Variants in CADM2 observed in about 807,000 individuals in gnomAD.
CADM2 encodes the protein immunoglobulin superfamily member 4D.
In CADM2, 12 loss-of-function variants were observed where a neutral mutation model predicts 49.8. The ratio of observed to expected loss-of-function variants is 0.24; its 90% CI spans 0.15 to 0.39. CADM2 has a LOEUF of 0.39. Among genes scored for constraint, CADM2 ranks in the 10% least tolerant of loss-of-function variants. The probability of loss-of-function intolerance (pLI) is 1.00; values close to 1 mark genes in which losing one functional copy is unlikely to be tolerated. For missense variants in CADM2, 378 were observed against 492.3 expected, an observed-to-expected ratio of 0.77 and a Z score of 2.20; for synonymous variants, 214 against 175.4, an observed-to-expected ratio of 1.22 and a Z score of -1.74.
chr3:85,701,769 C>T (rs1451545251), intron 1 of CADM2, among the ~76,000 whole-genome samples: 1 of 152,120 alleles, frequency 6.6e-6, no homozygotes, highest in African/African-American at 2.4e-5. Context: ...AAAAGATGCT[C>T]TCTACTTTCT....
Position 86,001,372 on chromosome 3 carries a change from G to A in CADM2, c.970+39725G>A, listed in dbSNP as rs559383629. Among the ~76,000 whole-genome samples, 4 of 152,224 alleles carry A rather than the reference G, an allele frequency of 2.6e-5. No individual in the cohort carries two copies. In the East Asian group the frequency reaches 5.8e-4, roughly 22 times the overall value. On this transcript the variant is annotated intron_variant, in intron 8 of 9. Transcript: ENST00000383699. ...GGTTCATGCCAGAAGAATATACAAA[G>A]AGCAGATAACATAGTCCTTAACTGA... is the stretch of plus-strand genomic sequence containing the variant.
chr3:86,061,544 CA>C lies in CADM2; in HGVS notation c.971-4057del, dbSNP rs1738650216. Among the ~76,000 whole-genome samples the C allele has an allele frequency of 2.0e-5, 3 of 152,180 alleles. No individual in the cohort carries two copies. The South Asian group carries it at 6.2e-4, about 32-fold the overall frequency. On this transcript the variant is annotated intron_variant, in intron 8 of 9. Transcript: ENST00000383699. ...TTTTAGAAGGATTAAGATATAATAACAAAAGGGTTAGATGACAATAAAGATT... is the reference window on the plus strand; with the variant it reads ...TTTTAGAAGGATTAAGATATAATAACAAAGGGTTAGATGACAATAAAGATT...
intron 1 of CADM2, among the ~76,000 whole-genome samples, chr3:85,215,824 A>G (rs2041912069): frequency 6.6e-6 from 1 of 152,024 alleles, no homozygotes; most frequent in Admixed American, 6.6e-5. Context: ...GTTCTGCCCA[A>G]TGTTGCTTTC....
At chr3:85,205,355 C>A (rs1292788710) in intron 1 of CADM2, among the ~76,000 whole-genome samples, 1 of 152,094 alleles carries the variant, frequency 6.6e-6, no homozygotes, top group Non-Finnish European at 1.5e-5. Context: ...GTTTGAAAAT[C>A]TGTTTAAATT....
chr3:85,165,435 C>T (rs371167496), intron 1 of CADM2, among the ~76,000 whole-genome samples: 16 of 151,936 alleles, frequency 1.1e-4, no homozygotes, highest in South Asian at 4.1e-4. Context: ...AAAAATTGCT[C>T]CTAATGTTAT....
At chr3:85,541,722 A>ATATATATTT (rs1559897464) in intron 1 of CADM2, among the ~76,000 whole-genome samples, 1 of 134,426 alleles carries the variant, frequency 7.4e-6, no homozygotes, top group Non-Finnish European at 1.5e-5. Context: ...TTTATATTAT[A>ATATATATTT]TATATATATT....
chr3:85,755,319 A>G (rs552089660), intron 2 of CADM2, among the ~76,000 whole-genome samples: 13 of 152,168 alleles, frequency 8.5e-5, no homozygotes, highest in Admixed American at 2.0e-4. Context: ...TTTTTATTAT[A>G]AAGAATACAA....
chr3:85,168,860 G>T (rs764039694), intron 1 of CADM2, among the ~76,000 whole-genome samples: 46 of 152,048 alleles, frequency 3.0e-4, no homozygotes, highest in Non-Finnish European at 4.6e-4. Context: ...TCTATTTTTT[G>T]GCATGAATCA....
chr3:85,240,711 A>G (rs529633973), intron 1 of CADM2, among the ~76,000 whole-genome samples: 2 of 151,690 alleles, frequency 1.3e-5, no homozygotes, highest in African/African-American at 2.4e-5. Flanking sequence ...ATTTGAAGCT[A>G]TTTCAAAATC....
At chr3:85,949,098 A>T (rs77619052) in intron 7 of CADM2, among the ~76,000 whole-genome samples, 2,768 of 151,188 alleles carry the variant, frequency 0.018, 78 homozygotes, top group African/African-American at 0.062. Context: ...GGACAAGAAA[A>T]CTCCTAGGAT....
At chr3:85,244,092 TTGA>T (rs1200449933) in intron 1 of CADM2, among the ~76,000 whole-genome samples, 3 of 152,124 alleles carry the variant, frequency 2.0e-5, no homozygotes, top group Admixed American at 2.0e-4. Flanking sequence ...GCCTTTTATG[TTGA>T]TAAGAAAAAA....
intron 3 of CADM2, among the ~76,000 whole-genome samples, chr3:85,848,081 T>C (rs1475769164): frequency 1.3e-5 from 2 of 152,178 alleles, no homozygotes; most frequent in African/African-American, 4.8e-5. Context: ...TAATGTTGAT[T>C]GTTTCTCTTA....
chr3:85,226,249 G>T (rs1343977939), intron 1 of CADM2, among the ~76,000 whole-genome samples: 14 of 122,274 alleles, frequency 1.1e-4, no homozygotes, highest in Non-Finnish European at 1.9e-4. Flanking sequence ...TCTGGTCCTG[G>T]ATTTTTTTTT....
intron 1 of CADM2, among the ~76,000 whole-genome samples, chr3:85,278,017 T>G (rs570019716): frequency 3.3e-5 from 5 of 150,150 alleles, no homozygotes; most frequent in Non-Finnish European, 7.5e-5. Context: ...GTTTCTCCCC[T>G]TTTTTTTTCT....
At chr3:85,243,502 T>C (rs928289011) in intron 1 of CADM2, among the ~76,000 whole-genome samples, 7 of 152,046 alleles carry the variant, frequency 4.6e-5, no homozygotes, top group Non-Finnish European at 1.0e-4. Context: ...TCTTTATTAC[T>C]AAAAGCACTA....
intron 1 of CADM2, among the ~76,000 whole-genome samples, chr3:85,550,478 T>G (rs2107111344): frequency 6.6e-6 from 1 of 152,280 alleles, no homozygotes; most frequent in South Asian, 2.1e-4. Flanking sequence ...AATCAGAAAT[T>G]TGTGACTGGG....
Position 85,543,420 on chromosome 3 carries a change from A to ATGTGTGTGGGGG in CADM2, c.62-183094_62-183093insGGGGTGTGTGTG, listed in dbSNP as rs372108050. The stretch of plus-strand genomic sequence containing the variant: ...CAGGCACCGCCACCATGCCAAGCTA[A>ATGTGTGTGGGGG]TGTGTGTGTGTGTGTGTGTGTGTGT... On this transcript the variant is annotated intron_variant, in intron 1 of 9. Coordinates refer to ENST00000383699, the MANE Select transcript of CADM2 (RefSeq NM_001167675.2). 5.5e-3 allele frequency among the ~76,000 whole-genome samples: 715 copies of ATGTGTGTGGGGG among 129,640 alleles called. 13 individuals carry two copies. Among genetic ancestry groups the ATGTGTGTGGGGG allele is most frequent in the Non-Finnish European group, 8.5e-3 (510 of 60,212 alleles). 85.0% of individuals were successfully genotyped at this position (129,640 alleles called of 152,430 possible).
At chr3:85,769,497 A>G (rs2069917250) in intron 2 of CADM2, among the ~76,000 whole-genome samples, 1 of 70,096 alleles carries the variant, frequency 1.4e-5, no homozygotes, top group Non-Finnish European at 2.6e-5. Flanking sequence ...ACATATATAC[A>G]TATATGTATA....
chr3:85,774,523 T>C (rs1245956829), intron 2 of CADM2, among the ~76,000 whole-genome samples: 1 of 151,820 alleles, frequency 6.6e-6, no homozygotes, highest in Admixed American at 6.6e-5. Context: ...TGCTAAATTT[T>C]ATTACCTTTT....
Sources: gnomAD v4.1 joint callset for allele counts (sites outside exome capture counted in the v4.1 genomes callset) on GRCh38, gnomAD v4.1.1 for gene constraint, MANE v1.5 for transcripts, NCBI Gene and HGNC (gene_info 2026-07-23, HGNC 2026-07-21) for gene names.